Variants in PKNOX2 observed in about 807,000 individuals in gnomAD.
PKNOX2 encodes homeobox protein PKNOX2.
Under a neutral mutation model 53.1 loss-of-function variants are expected in PKNOX2, and 14 were observed. That is an observed-to-expected ratio of 0.26 (90% CI 0.17 to 0.41). The LOEUF is 0.41. Among genes scored for constraint, PKNOX2 ranks in the 10% least tolerant of loss-of-function variants. The probability of loss-of-function intolerance (pLI) is 1.00; values close to 1 mark genes in which losing one functional copy is unlikely to be tolerated. For missense variants in PKNOX2, 496 were observed against 602.8 expected, an observed-to-expected ratio of 0.82 and a Z score of 1.85; for synonymous variants, 257 against 242.8, an observed-to-expected ratio of 1.06 and a Z score of -0.54.
At chr11:125,400,894 T>C (rs905076125) in intron 7 of PKNOX2, among the ~76,000 whole-genome samples, 26 of 152,120 alleles carry the variant, frequency 1.7e-4, no homozygotes, top group African/African-American at 6.3e-4. Flanking sequence ...ATCACCTTAT[T>C]ATAGGCCAAA....
intron 7 of PKNOX2, among the ~76,000 whole-genome samples, chr11:125,408,543 C>T (rs1955260730): frequency 2.0e-5 from 3 of 152,116 alleles, no homozygotes; most frequent in African/African-American, 2.4e-5. Context: ...CTCCTCCTGG[C>T]GCTGCTTATT....
intron 1 of PKNOX2, among the ~76,000 whole-genome samples, chr11:125,222,684 G>A (rs550044262): frequency 3.6e-4 from 51 of 141,294 alleles, no homozygotes; most frequent in African/African-American, 1.1e-3. Flanking sequence ...ATGTGTGTGC[G>A]TATGTGTGTG....
At chr11:125,430,977 C>A (rs149822404) in intron 12 of PKNOX2, among the ~76,000 whole-genome samples, 189 bp from the exon 13 acceptor site, 2 of 152,298 alleles carry the variant, frequency 1.3e-5, no homozygotes, top group Admixed American at 6.5e-5. Flanking sequence ...TGAGATGGGG[C>A]AGGGAGTAGC....
rs181295136 is a variant in PKNOX2, at chr11:125,405,492, C to A, written c.589-4704C>A. 3.3e-3 allele frequency among the ~76,000 whole-genome samples: 479 copies of A among 144,582 alleles called. 3 individuals are homozygous for A. The highest frequency in any genetic ancestry group is 0.01 in the African/African-American group (419 of 39,950). 94.9% of individuals were successfully genotyped at this position (144,582 alleles called of 152,430 possible). On this transcript the variant is annotated intron_variant, in intron 7 of 12. Transcript: ENST00000298282. ...TGAGACCGCTGTGCATTCATGTGGG[C>A]CCCTGCACCCCCCACTTCCAAAAGT...
chr11:125,167,932 G>T (rs1010187402), intron 1 of PKNOX2, among the ~76,000 whole-genome samples: 5 of 152,168 alleles, frequency 3.3e-5, no homozygotes, highest in African/African-American at 1.2e-4. Flanking sequence ...TTCTTTTCCA[G>T]TCCGGTTTCA....
At chr11:125,363,049 A>T (rs901361417) in intron 4 of PKNOX2, among the ~76,000 whole-genome samples, 1 of 152,234 alleles carries the variant, frequency 6.6e-6, no homozygotes, top group Non-Finnish European at 1.5e-5. Flanking sequence ...TAGATGGCAG[A>T]CAGAAGTCCA....
chr11:125,413,107 G>A (rs1487418588), intron 10 of PKNOX2, among the ~76,000 whole-genome samples: 2 of 152,220 alleles, frequency 1.3e-5, no homozygotes, highest in Non-Finnish European at 2.9e-5. Context: ...GCGTGGGGCT[G>A]CCCCAGTGGT....
intron 2 of PKNOX2, among the ~76,000 whole-genome samples, chr11:125,300,046 T>C (rs1328187442): frequency 6.6e-6 from 1 of 152,100 alleles, no homozygotes; most frequent in African/African-American, 2.4e-5. Context: ...TGTCCAGGGG[T>C]GGAGTCACCG....
chr11:125,195,714 G>A (rs1239125100), intron 1 of PKNOX2, among the ~76,000 whole-genome samples: 1 of 152,144 alleles, frequency 6.6e-6, no homozygotes, highest in Non-Finnish European at 1.5e-5. Flanking sequence ...CTGAGTTTGA[G>A]ATGCCAGGGA....
At chr11:125,312,564 G>A (rs970469840) in intron 2 of PKNOX2, among the ~76,000 whole-genome samples, 5 of 152,116 alleles carry the variant, frequency 3.3e-5, no homozygotes, top group East Asian at 1.9e-4. Flanking sequence ...CAGGAGGGCC[G>A]GGGCAGCGGG....
In PKNOX2 at chr11:125,178,620, A is replaced by G. The variant is rs1337378465; in HGVS notation, c.-201+13844A>G. On this transcript the variant is annotated intron_variant, in intron 1 of 12. Transcript: ENST00000298282. ...AAGGAAGGAAGGAAGGAAAGAAAGA[A>G]AGAAAGAAAGAAAGAAAGAAAGAAA... 1.3e-3 allele frequency among the ~76,000 whole-genome samples: 83 copies of G among 65,952 alleles called. 4 individuals carry two copies. Among genetic ancestry groups the G allele is most frequent in the African/African-American group, 7.7e-3 (73 of 9,440 alleles). The allele number at this position is 65,952 out of a possible 152,430, so 43.3% of individuals were successfully genotyped here.
Position 125,200,442 on chromosome 11 carries a change from T to C in PKNOX2, c.-200-34603T>C, listed in dbSNP as rs144672773. Among the ~76,000 whole-genome samples the C allele has an allele frequency of 6.9e-3, 1,049 of 152,336 alleles. 7 individuals are homozygous for C. The highest frequency in any genetic ancestry group is 0.011 in the Non-Finnish European group (760 of 68,040). ...CTTTGACTTTGACCCTTCCCTCGTT[T>C]CCTCGTAGCCCAGTGATAGGTTCTG... On this transcript the variant is annotated intron_variant, in intron 1 of 12. Transcript: ENST00000298282.
intron 4 of PKNOX2, among the ~76,000 whole-genome samples, chr11:125,361,548 A>AT (rs919900972): frequency 1.3e-5 from 2 of 151,904 alleles, no homozygotes; most frequent in East Asian, 3.9e-4. Flanking sequence ...TTTTTTATTT[A>AT]TTTTTTTGAC....
At position 125,357,281 on chromosome 11, in the gene PKNOX2, C is replaced by T. The variant is rs573356268; in HGVS notation, c.87+5889C>T. Among the ~76,000 whole-genome samples, 21 of 152,186 alleles carry T rather than the reference C, an allele frequency of 1.4e-4. 1 individual carries two copies. The highest frequency in any genetic ancestry group is 2.9e-5 in the Non-Finnish European group (2 of 68,044). On this transcript the variant is annotated intron_variant, in intron 4 of 12. Transcript: ENST00000298282. ...TCCCTGAACTCCAACTTACTCAAGA[C>T]CTGGACTCTTCATTGTGTAAAAGGC...
intron 6 of PKNOX2, among the ~76,000 whole-genome samples, chr11:125,388,128 G>T (rs915473360): frequency 6.6e-6 from 1 of 152,018 alleles, no homozygotes; most frequent in Non-Finnish European, 1.5e-5. Context: ...TTGATGTGGG[G>T]AGTCAAGCAG....
chr11:125,362,400 G>A (rs990278296), intron 4 of PKNOX2, among the ~76,000 whole-genome samples: 3 of 152,012 alleles, frequency 2.0e-5, no homozygotes, highest in Non-Finnish European at 2.9e-5. Context: ...TAGAGACAGG[G>A]TCTTGCTCTA....
intron 3 of PKNOX2, among the ~76,000 whole-genome samples, chr11:125,332,856 C>G (rs1261007386): frequency 6.6e-6 from 1 of 152,160 alleles, no homozygotes; most frequent in South Asian, 2.1e-4. Context: ...GCTCTCCAAG[C>G]AGCTAGTTAG....
At chr11:125,180,807 T>C (rs79620056) in intron 1 of PKNOX2, among the ~76,000 whole-genome samples, 4,261 of 152,254 alleles carry the variant, frequency 0.028, 220 homozygotes, top group East Asian at 0.2. Flanking sequence ...CCTTGCGGGA[T>C]GTTGGTAAAG....
At chr11:125,261,842 G>A (rs1022828320) in intron 2 of PKNOX2, among the ~76,000 whole-genome samples, 2 of 152,366 alleles carry the variant, frequency 1.3e-5, no homozygotes, top group South Asian at 2.1e-4. Context: ...GGTGGTGTAA[G>A]TGCAAAAGCA....
Sources: gnomAD v4.1 joint callset for allele counts (sites outside exome capture counted in the v4.1 genomes callset) on GRCh38, gnomAD v4.1.1 for gene constraint, MANE v1.5 for transcripts, NCBI Gene and HGNC (gene_info 2026-07-23, HGNC 2026-07-21) for gene names.